Variants in CHST11 observed in about 807,000 individuals in gnomAD.
CHST11 encodes the protein C4S-1.
CHST11 carries 9 observed loss-of-function variants against 30.4 expected under a neutral mutation model. The ratio of observed to expected loss-of-function variants is 0.30; its 90% CI spans 0.18 to 0.52. The LOEUF is 0.52. Among genes scored for constraint, CHST11 ranks in the 20% least tolerant of loss-of-function variants. The probability of loss-of-function intolerance (pLI) is 0.97; values close to 1 mark genes in which losing one functional copy is unlikely to be tolerated. For missense variants in CHST11, 348 were observed against 460.6 expected (o/e 0.76, Z 2.24); for synonymous variants, 152 against 187.8 (o/e 0.81, Z 1.56).
chr12:104,499,408 A>G (rs2374398), intron 1 of CHST11, among the ~76,000 whole-genome samples: 95,475 of 151,248 alleles, frequency 0.63, 30,839 homozygotes, highest in African/African-American at 0.76. Flanking sequence ...GGGACTCCAA[A>G]TCCAGGTCCT....
rs185608069 is a variant in CHST11, at chr12:104,681,924, A to T, written c.205-75025A>T. 2.4e-3 allele frequency among the ~76,000 whole-genome samples: 315 copies of T among 133,680 alleles called. 8 individuals carry two copies. The Admixed American group carries it at 0.028, about 12-fold the overall frequency. 87.7% of individuals were successfully genotyped at this position (133,680 alleles called of 152,430 possible). On this transcript the variant is annotated intron_variant, in intron 2 of 2. Coordinates refer to ENST00000303694, the MANE Select transcript of CHST11 (RefSeq NM_018413.6). ...CGGCTCCCTGCGAGCTCTGCCTCCC[A>T]GGTTCACGCCATTCTCCTGCCTCAG...
intron 2 of CHST11, among the ~76,000 whole-genome samples, chr12:104,692,413 C>T (rs114714004): frequency 0.013 from 1,996 of 152,316 alleles, 43 homozygotes; most frequent in African/African-American, 0.046. Context: ...TGCAATTTGC[C>T]GAGTGATGTT....
At chr12:104,713,611 T>C (rs1478176316) in intron 2 of CHST11, among the ~76,000 whole-genome samples, 1 of 152,146 alleles carries the variant, frequency 6.6e-6, no homozygotes, top group African/African-American at 2.4e-5. Context: ...GCTCTGCACC[T>C]CCTCCCAAAG....
At chr12:104,730,225 C>T (rs1592862893) in intron 2 of CHST11, among the ~76,000 whole-genome samples, 1 of 152,258 alleles carries the variant, frequency 6.6e-6, no homozygotes, top group Admixed American at 6.5e-5. Context: ...GCCTCTGCCA[C>T]TCATTTACTG....
intron 2 of CHST11, among the ~76,000 whole-genome samples, chr12:104,713,464 T>A (rs1171348466): frequency 6.6e-6 from 1 of 152,092 alleles, no homozygotes; most frequent in Admixed American, 6.6e-5. Flanking sequence ...AAAATCCAGG[T>A]GGGAACCAGG....
chr12:104,589,587 A>G (rs1047767904), intron 1 of CHST11, among the ~76,000 whole-genome samples: 3 of 152,192 alleles, frequency 2.0e-5, no homozygotes, highest in African/African-American at 7.2e-5. Flanking sequence ...AGTGGTCAAA[A>G]TGGTAAATTT....
At chr12:104,459,827 T>C (rs2037390374) in intron 1 of CHST11, among the ~76,000 whole-genome samples, 1 of 152,218 alleles carries the variant, frequency 6.6e-6, no homozygotes. Context: ...TCTCTATAAA[T>C]ATACTTTTCT....
intron 2 of CHST11, among the ~76,000 whole-genome samples, chr12:104,704,938 A>G (rs2040019978): frequency 6.6e-6 from 1 of 152,048 alleles, no homozygotes; most frequent in Non-Finnish European, 1.5e-5. Context: ...GACAAAGGGT[A>G]TTTAGTGGCA....
chr12:104,519,708 C>G (rs891973322), intron 1 of CHST11, among the ~76,000 whole-genome samples: 2 of 152,184 alleles, frequency 1.3e-5, no homozygotes, highest in Non-Finnish European at 2.9e-5. Context: ...TGATTTGACA[C>G]CAGCATTTTG....
intron 1 of CHST11, among the ~76,000 whole-genome samples, chr12:104,543,471 G>A (rs1465404137): frequency 2.0e-5 from 3 of 152,192 alleles, no homozygotes; most frequent in Non-Finnish European, 4.4e-5. Context: ...GCTCCTGATA[G>A]GGGAGGAGAC....
chr12:104,562,225 C>T (rs888057046), intron 1 of CHST11, among the ~76,000 whole-genome samples: 2 of 152,112 alleles, frequency 1.3e-5, no homozygotes, highest in African/African-American at 4.8e-5. Flanking sequence ...GAGGAGCCTG[C>T]TCATGCTGGT....
chr12:104,510,951 G>A (rs541031184), intron 1 of CHST11, among the ~76,000 whole-genome samples: 1 of 152,168 alleles, frequency 6.6e-6, no homozygotes, highest in African/African-American at 2.4e-5. Context: ...AAAATGAGTA[G>A]GTTGGAGGGG....
At chr12:104,660,007 C>A (rs1299129793) in intron 2 of CHST11, among the ~76,000 whole-genome samples, 1 of 152,132 alleles carries the variant, frequency 6.6e-6, no homozygotes, top group Non-Finnish European at 1.5e-5. Flanking sequence ...TAATTTCATT[C>A]TTTTACTTCT....
intron 2 of CHST11, among the ~76,000 whole-genome samples, chr12:104,609,074 C>T (rs2039033662): frequency 6.6e-6 from 1 of 152,218 alleles, no homozygotes; most frequent in South Asian, 2.1e-4. Flanking sequence ...CTTTTGAATG[C>T]TATTCAGGAA....
chr12:104,554,807 A>G (rs955549974), intron 1 of CHST11, among the ~76,000 whole-genome samples: 1 of 152,238 alleles, frequency 6.6e-6, no homozygotes, highest in Non-Finnish European at 1.5e-5. Flanking sequence ...TGCTGACCGC[A>G]TGTGGTTCTC....
At chr12:104,614,660 T>C (rs987955087) in intron 2 of CHST11, among the ~76,000 whole-genome samples, 15 of 151,182 alleles carry the variant, frequency 9.9e-5, no homozygotes, top group African/African-American at 3.7e-4. Flanking sequence ...TGTGTATGCA[T>C]GCATGCTTAT....
chr12:104,543,181 G>A (rs1027945053), intron 1 of CHST11, among the ~76,000 whole-genome samples: 1 of 152,092 alleles, frequency 6.6e-6, no homozygotes, highest in Non-Finnish European at 1.5e-5. Flanking sequence ...AGGGGGAGGA[G>A]GTGCCAGGGT....
chr12:104,511,341 CT>C (rs2037964160), intron 1 of CHST11, among the ~76,000 whole-genome samples: 1 of 152,222 alleles, frequency 6.6e-6, no homozygotes, highest in Admixed American at 6.5e-5. Context: ...GCCAGCAAAA[CT>C]TCTTTGGAAG....
intron 1 of CHST11, among the ~76,000 whole-genome samples, chr12:104,527,773 A>G (rs1353567369): frequency 6.6e-6 from 1 of 152,214 alleles, no homozygotes; most frequent in African/African-American, 2.4e-5. Flanking sequence ...TGTGTAATTT[A>G]TAAAGAAAAG....
Sources: allele counts gnomAD v4.1 joint callset (sites outside exome capture counted in the v4.1 genomes callset), GRCh38; gene constraint gnomAD v4.1.1; transcripts MANE v1.5; gene names NCBI Gene and HGNC (gene_info 2026-07-23, HGNC 2026-07-21).